LHFPL3: variants seen among roughly 807,000 people sequenced by gnomAD.
LHFPL3 encodes LHFPL tetraspan subfamily member 3 protein.
A neutral mutation model predicts 19.3 loss-of-function variants in LHFPL3; 5 were observed. The observed-to-expected ratio is 0.26, with a 90% confidence interval of 0.14 to 0.54. The LOEUF is 0.54. Among genes scored for constraint, LHFPL3 ranks in the 20% least tolerant of loss-of-function variants. The pLI is 0.94. For synonymous variants in LHFPL3, 133 were observed against 126.2 expected (o/e 1.05, Z -0.36); for missense variants, 249 against 307.4 (o/e 0.81, Z 1.42).
At chr7:104,507,553 G>A (rs1355185792) in intron 1 of LHFPL3, among the ~76,000 whole-genome samples, 3 of 111,086 alleles carry the variant, frequency 2.7e-5, no homozygotes, top group African/African-American at 6.6e-5. Context: ...CATGGGCAAG[G>A]ACTTCATGTC....
At chr7:104,698,078 G>A (rs1227656704) in intron 1 of LHFPL3, among the ~76,000 whole-genome samples, 1 of 152,144 alleles carries the variant, frequency 6.6e-6, no homozygotes, top group African/African-American at 2.4e-5. Context: ...CTAGAGGAAC[G>A]TGCTCAGCAG....
At chr7:104,832,252 T>C (rs1361169323) in intron 2 of LHFPL3, among the ~76,000 whole-genome samples, 1 of 152,014 alleles carries the variant, frequency 6.6e-6, no homozygotes, top group African/African-American at 2.4e-5. Context: ...GGTTGGGTTG[T>C]CTATCAATCA....
intron 1 of LHFPL3, among the ~76,000 whole-genome samples, chr7:104,652,536 T>A (rs1792051494): frequency 6.6e-6 from 1 of 152,140 alleles, no homozygotes; most frequent in Admixed American, 6.5e-5. Context: ...TGTATCTGTT[T>A]GAGGAATTTC....
chr7:104,783,328 A>G (rs898292832), intron 2 of LHFPL3, among the ~76,000 whole-genome samples: 7 of 152,214 alleles, frequency 4.6e-5, no homozygotes, highest in East Asian at 3.8e-4. Flanking sequence ...TTCTCACAGT[A>G]TAGTACAAAT....
intron 2 of LHFPL3, among the ~76,000 whole-genome samples, chr7:104,788,633 A>G (rs1243884721): frequency 1.3e-5 from 2 of 152,160 alleles, no homozygotes; most frequent in Non-Finnish European, 2.9e-5. Context: ...TGTTTTTTTA[A>G]TGAGAACAAA....
At chr7:104,883,986 C>T (rs1337654254) in intron 2 of LHFPL3, among the ~76,000 whole-genome samples, 1 of 152,104 alleles carries the variant, frequency 6.6e-6, no homozygotes, top group Non-Finnish European at 1.5e-5. Flanking sequence ...GTGGTTGGGG[C>T]GTGTGGATAT....
chr7:104,549,448 AACACACAC>A (rs61148155), intron 1 of LHFPL3, among the ~76,000 whole-genome samples: 6,155 of 140,302 alleles, frequency 0.044, 389 homozygotes, highest in African/African-American at 0.15. Context: ...CCCTTAACCC[AACACACAC>A]ACACACACAC....
intron 1 of LHFPL3, among the ~76,000 whole-genome samples, chr7:104,489,050 T>G (rs1328099766): frequency 6.6e-6 from 1 of 152,052 alleles, no homozygotes; most frequent in East Asian, 1.9e-4. Context: ...CTTGAAATCT[T>G]GCTGCTCTAC....
At chr7:104,626,407 AT>A (rs1378284828) in intron 1 of LHFPL3, among the ~76,000 whole-genome samples, 1 of 152,196 alleles carries the variant, frequency 6.6e-6, no homozygotes, top group Non-Finnish European at 1.5e-5. Context: ...TCTGGTTTGC[AT>A]TTAAGCACTT....
chr7:104,350,671 A>G (rs913389566), intron 1 of LHFPL3, among the ~76,000 whole-genome samples: 3 of 152,204 alleles, frequency 2.0e-5, no homozygotes, highest in African/African-American at 7.2e-5. Context: ...GCAGACACAA[A>G]CAAGTAATTA....
At chr7:104,375,487 A>G (rs936917071) in intron 1 of LHFPL3, among the ~76,000 whole-genome samples, 9 of 152,218 alleles carry the variant, frequency 5.9e-5, no homozygotes, top group African/African-American at 1.7e-4. Context: ...GCACATTAAG[A>G]TATTAGAGGT....
chr7:104,752,249 G>T (rs1051979173), intron 2 of LHFPL3, among the ~76,000 whole-genome samples: 1 of 152,032 alleles, frequency 6.6e-6, no homozygotes, highest in East Asian at 1.9e-4. Context: ...AACATTTTGC[G>T]TTGACTGAGC....
chr7:104,802,507 AAAAAAAAAGAG>A (rs1329365974), intron 2 of LHFPL3, among the ~76,000 whole-genome samples: 2 of 143,958 alleles, frequency 1.4e-5, no homozygotes, highest in Non-Finnish European at 3.1e-5. Context: ...AAAAAAAAAA[AAAAAAAAAGAG>A]AGAGAGAGCA....
intron 2 of LHFPL3, among the ~76,000 whole-genome samples, chr7:104,748,977 C>T (rs1416602114): frequency 1.3e-5 from 2 of 152,180 alleles, no homozygotes; most frequent in African/African-American, 2.4e-5. Flanking sequence ...TCTTTTGTTG[C>T]CTCTGGGGTT....
At chr7:104,680,516 C>A (rs915931506) in intron 1 of LHFPL3, among the ~76,000 whole-genome samples, 6 of 152,102 alleles carry the variant, frequency 3.9e-5, no homozygotes, top group Admixed American at 6.5e-5. Flanking sequence ...AAATATCTCC[C>A]TATCAAGCCC....
rs1052194014 is a variant in LHFPL3 at position 104,812,957 on chromosome 7, C to CA, written c.682+76053dup. ...TGAAACCCCTTCTCTACTAAAAATA[C>CA]AAAAAAATAGCTGGATGTGGTGGCT... is the stretch of plus-strand genomic sequence containing the variant. On this transcript the variant is annotated intron_variant, in intron 2 of 2. Transcript: ENST00000424859. Among the ~76,000 whole-genome samples the CA allele has an allele frequency of 4.6e-5, 7 of 151,404 alleles. No homozygotes were observed. In the East Asian group the frequency reaches 5.8e-4, roughly 13 times the overall value.
chr7:104,666,545 G>T, intron 1 of LHFPL3, among the ~76,000 whole-genome samples: 2 of 17,406 alleles, frequency 1.1e-4, no homozygotes, highest in Admixed American at 8.0e-4. Flanking sequence ...TTTTTGAGAC[G>T]GAGTCTCGCT....
At chr7:104,573,520 A>G (rs971858465) in intron 1 of LHFPL3, among the ~76,000 whole-genome samples, 1 of 152,236 alleles carries the variant, frequency 6.6e-6, no homozygotes, top group Non-Finnish European at 1.5e-5. Flanking sequence ...AACTTGAGAC[A>G]TAAATGAAAT....
intron 2 of LHFPL3, among the ~76,000 whole-genome samples, chr7:104,861,244 A>G (rs1310049661): frequency 6.6e-6 from 1 of 152,228 alleles, no homozygotes; most frequent in African/African-American, 2.4e-5. Flanking sequence ...AAGAGGACAT[A>G]AGACAGAGAT....
Sources: allele counts gnomAD v4.1 joint callset (sites outside exome capture counted in the v4.1 genomes callset), GRCh38; gene constraint gnomAD v4.1.1; transcripts MANE v1.5; gene names NCBI Gene and HGNC (gene_info 2026-07-23, HGNC 2026-07-21).